CACNA2D3: variants seen among roughly 807,000 people sequenced by gnomAD.
CACNA2D3 encodes the protein voltage-dependent calcium channel subunit alpha-2/delta-3.
In CACNA2D3, 60 loss-of-function variants were observed where a neutral mutation model predicts 160.6. The observed-to-expected ratio is 0.37, with a 90% CI of 0.30 to 0.46. The LOEUF (loss-of-function observed/expected upper bound fraction) is 0.46, where lower values mean the gene tolerates loss of function less well. Ranked by LOEUF, CACNA2D3 falls within the 20% of genes least tolerant of loss-of-function variation. The probability of loss-of-function intolerance (pLI) is 1.00; values close to 1 mark genes in which losing one functional copy is unlikely to be tolerated. For synonymous variants in CACNA2D3, 558 were observed against 492.9 expected (o/e 1.13, Z -1.75); for missense variants, 1,205 against 1,365.0 (o/e 0.88, Z 1.85).
chr3:54,301,509 A>G (rs957684435), intron 2 of CACNA2D3, among the ~76,000 whole-genome samples: 2 of 152,198 alleles, frequency 1.3e-5, no homozygotes, highest in Non-Finnish European at 2.9e-5. Flanking sequence ...ATTCAGAGAT[A>G]GGAAAAAGAA....
chr3:54,159,562 G>A (rs116168775), intron 2 of CACNA2D3, among the ~76,000 whole-genome samples: 2,094 of 152,196 alleles, frequency 0.014, 50 homozygotes, highest in African/African-American at 0.046. Flanking sequence ...ACCTTTCTCC[G>A]GTGCCTCCCG....
intron 17 of CACNA2D3, among the ~76,000 whole-genome samples, chr3:54,868,075 T>G (rs1400906439): frequency 6.6e-6 from 1 of 152,202 alleles, no homozygotes; most frequent in Non-Finnish European, 1.5e-5. Context: ...CTCTGGCCTT[T>G]TAATGTAGTT....
At chr3:54,748,942 T>A (rs1429320145) in intron 11 of CACNA2D3, among the ~76,000 whole-genome samples, 2 of 152,200 alleles carry the variant, frequency 1.3e-5, no homozygotes, top group Non-Finnish European at 2.9e-5. Context: ...TTGCTCTCAG[T>A]TAAATGAGCA....
At chr3:54,760,173 T>C (rs1702054829) in intron 12 of CACNA2D3, among the ~76,000 whole-genome samples, 1 of 152,186 alleles carries the variant, frequency 6.6e-6, no homozygotes, top group South Asian at 2.1e-4. Flanking sequence ...ATGAGTCCTC[T>C]GAAGGGACTG....
chr3:54,642,979 T>C (rs1278256455), intron 11 of CACNA2D3, among the ~76,000 whole-genome samples: 1 of 152,124 alleles, frequency 6.6e-6, no homozygotes, highest in Non-Finnish European at 1.5e-5. Context: ...AGTTTCTCAG[T>C]GGGCACCAGC....
intron 27 of CACNA2D3, among the ~76,000 whole-genome samples, chr3:54,962,876 T>C (rs1384401990): frequency 6.6e-6 from 1 of 152,198 alleles, no homozygotes; most frequent in African/African-American, 2.4e-5. Context: ...CTCTAGTATG[T>C]TGCAAGTTGA....
At chr3:54,457,666 G>C (rs1321083449) in intron 4 of CACNA2D3, among the ~76,000 whole-genome samples, 1 of 151,912 alleles carries the variant, frequency 6.6e-6, no homozygotes, top group Admixed American at 6.6e-5. Context: ...GAAGTCCCCA[G>C]ATTTTATTGT....
chr3:54,573,458 A>G (rs1444760631), intron 8 of CACNA2D3, among the ~76,000 whole-genome samples: 2 of 152,258 alleles, frequency 1.3e-5, no homozygotes, highest in Admixed American at 1.3e-4. Flanking sequence ...ATATGAGCAC[A>G]CAGTCTTTTC....
At chr3:54,348,100 G>A (rs1698490114) in intron 3 of CACNA2D3, among the ~76,000 whole-genome samples, 1 of 152,154 alleles carries the variant, frequency 6.6e-6, no homozygotes, top group Non-Finnish European at 1.5e-5. Flanking sequence ...GTGATGAGTT[G>A]ATTGCATCAT....
intron 35 of CACNA2D3, among the ~76,000 whole-genome samples, chr3:55,033,576 G>GTA (rs1703723404): frequency 2.2e-5 from 2 of 92,288 alleles, no homozygotes; most frequent in Non-Finnish European, 4.4e-5. Context: ...TGTCATTTAT[G>GTA]TGTGTGTGTA....
In CACNA2D3 at chr3:54,507,432, C is replaced by A. The variant is rs550125469; in HGVS notation, c.544+3778C>A. On this transcript the variant is annotated intron_variant, in intron 5 of 37. Coordinates refer to ENST00000474759, the MANE Select transcript of CACNA2D3 (RefSeq NM_018398.3). ...AGTCTTTCCTTCTCTACTTTAGGTTCTCTGAGGGCAGAGGACCCTGCAGAT... is the reference window on the plus strand; with the variant it reads ...AGTCTTTCCTTCTCTACTTTAGGTTATCTGAGGGCAGAGGACCCTGCAGAT... Among the ~76,000 whole-genome samples, 182 of 152,298 alleles carry A rather than the reference C, an allele frequency of 1.2e-3. 1 individual carries two copies. Among genetic ancestry groups the A allele is most frequent in the Non-Finnish European group, 2.3e-3 (158 of 68,026 alleles).
At chr3:54,868,752 G>A (rs1699459986) in intron 17 of CACNA2D3, among the ~76,000 whole-genome samples, 1 of 152,154 alleles carries the variant, frequency 6.6e-6, no homozygotes, top group African/African-American at 2.4e-5. Context: ...CCTATGGTTT[G>A]CAGAATGGTG....
At chr3:54,918,790 G>T in intron 27 of CACNA2D3, 1 of 1,614,036 alleles carries the variant, frequency 6.2e-7, no homozygotes, top group Non-Finnish European at 8.5e-7. Context: ...TGGATCAGGA[G>T]CAGGAAGAGG....
At chr3:54,943,708 G>A (rs943332737) in intron 27 of CACNA2D3, among the ~76,000 whole-genome samples, 1 of 148,692 alleles carries the variant, frequency 6.7e-6, no homozygotes, top group Non-Finnish European at 1.5e-5. Flanking sequence ...TAAATGTTTG[G>A]TATTTCTGCC....
At chr3:54,464,457 C>T (rs943895462) in intron 4 of CACNA2D3, among the ~76,000 whole-genome samples, 7 of 152,254 alleles carry the variant, frequency 4.6e-5, no homozygotes, top group African/African-American at 1.7e-4. Context: ...GCTTTGTTTC[C>T]CTAAGCAAGC....
At chr3:54,832,306 T>C (rs975037559) in intron 14 of CACNA2D3, among the ~76,000 whole-genome samples, 2 of 152,148 alleles carry the variant, frequency 1.3e-5, no homozygotes, top group Admixed American at 1.3e-4. Context: ...TGTGAAGTGC[T>C]CTGGTTAACA....
chr3:54,188,448 C>A (rs947381086), intron 2 of CACNA2D3, among the ~76,000 whole-genome samples: 8 of 152,182 alleles, frequency 5.3e-5, no homozygotes, highest in African/African-American at 1.9e-4. Context: ...GCGTTCTCGG[C>A]AGAGTCTGTG....
chr3:54,327,012 C>T (rs925978457), intron 3 of CACNA2D3, among the ~76,000 whole-genome samples: 1 of 152,074 alleles, frequency 6.6e-6, no homozygotes, highest in Non-Finnish European at 1.5e-5. Flanking sequence ...AGAGCAAAAA[C>T]CTCAAACCAG....
intron 2 of CACNA2D3, among the ~76,000 whole-genome samples, chr3:54,124,811 G>A (rs1228931383): frequency 6.6e-6 from 1 of 152,186 alleles, no homozygotes; most frequent in Non-Finnish European, 1.5e-5. Context: ...CTGTTGTTTG[G>A]GAAGGTGTTC....
Sources: gnomAD v4.1 joint callset for allele counts (sites outside exome capture counted in the v4.1 genomes callset) on GRCh38, gnomAD v4.1.1 for gene constraint, MANE v1.5 for transcripts, NCBI Gene and HGNC (gene_info 2026-07-23, HGNC 2026-07-21) for gene names.